GABRB2: variants seen among roughly 807,000 people sequenced by gnomAD.
GABRB2 encodes the protein gamma-aminobutyric acid type A receptor subunit beta2.
GABRB2 carries 16 observed loss-of-function variants against 54.7 expected under a neutral mutation model. The ratio of observed to expected loss-of-function variants is 0.29; its 90% confidence interval spans 0.20 to 0.44. GABRB2 has a LOEUF of 0.44. Among genes scored for constraint, GABRB2 ranks in the 20% least tolerant of loss-of-function variants. The pLI, the probability that GABRB2 is intolerant of heterozygous loss-of-function variation, is 1.00. For missense variants in GABRB2, 355 were observed against 644.0 expected, an observed-to-expected ratio of 0.55 and a Z score of 4.86; for synonymous variants, 244 against 233.8, an observed-to-expected ratio of 1.04 and a Z score of -0.40.
intron 5 of GABRB2, among the ~76,000 whole-genome samples, chr5:161,394,210 A>T (rs1199872335): frequency 2.0e-5 from 3 of 152,086 alleles, no homozygotes; most frequent in African/African-American, 7.2e-5. Flanking sequence ...TGAATAAAGC[A>T]GAGTATATAA....
At chr5:161,314,730 C>A (rs908130399) in intron 9 of GABRB2, among the ~76,000 whole-genome samples, 1 of 152,004 alleles carries the variant, frequency 6.6e-6, no homozygotes, top group Non-Finnish European at 1.5e-5. Context: ...TTTGTTCTTT[C>A]CCTCCCTCCT....
At chr5:161,357,024 C>T (rs959136073) in intron 5 of GABRB2, among the ~76,000 whole-genome samples, 1 of 152,188 alleles carries the variant, frequency 6.6e-6, no homozygotes, top group South Asian at 2.1e-4. Flanking sequence ...ATTGAAAATA[C>T]ATTTTAGCAG....
intron 5 of GABRB2, among the ~76,000 whole-genome samples, chr5:161,338,739 T>C (rs1471198088): frequency 6.6e-6 from 1 of 152,110 alleles, no homozygotes; most frequent in Non-Finnish European, 1.5e-5. Context: ...TGAGCTATGA[T>C]GGCACCACTG....
intron 4 of GABRB2, among the ~76,000 whole-genome samples, chr5:161,439,322 G>A (rs1463138318): frequency 6.6e-6 from 1 of 152,130 alleles, no homozygotes; most frequent in Non-Finnish European, 1.5e-5. Context: ...AAACATGAAG[G>A]AGAAATAAAG....
At chr5:161,385,501 G>A (rs1284557309) in intron 5 of GABRB2, among the ~76,000 whole-genome samples, 1 of 152,100 alleles carries the variant, frequency 6.6e-6, no homozygotes, top group Non-Finnish European at 1.5e-5. Context: ...CTTTGTGGGT[G>A]GAGACAAAAG....
intron 5 of GABRB2, among the ~76,000 whole-genome samples, chr5:161,407,496 C>T (rs757531557): frequency 3.9e-5 from 6 of 151,968 alleles, no homozygotes; most frequent in African/African-American, 7.3e-5. Flanking sequence ...CCTAAAGCAT[C>T]GGCACACCTG....
upstream of GABRB2, chr5:161,546,799 GT>G (rs1341078788): frequency 4.0e-5 from 44 of 1,092,110 alleles, no homozygotes; most frequent in Middle Eastern, 6.8e-4. Flanking sequence ...AGATTTCCTT[GT>G]TTAAAAAAAA....
At chr5:161,415,453 A>G (rs1007142870) in intron 4 of GABRB2, among the ~76,000 whole-genome samples, 3 of 152,246 alleles carry the variant, frequency 2.0e-5, no homozygotes, top group Non-Finnish European at 4.4e-5. Context: ...ACAAATACAT[A>G]GCACAGCCTA....
chr5:161,439,868 G>T (rs1317534117), intron 4 of GABRB2, among the ~76,000 whole-genome samples: 1 of 151,932 alleles, frequency 6.6e-6, no homozygotes, highest in Non-Finnish European at 1.5e-5. Context: ...GCTAATGGAT[G>T]CTGGGCTTAA....
intron 4 of GABRB2, chr5:161,459,383 G>A: frequency 1.9e-6 from 1 of 535,156 alleles, no homozygotes; most frequent in Non-Finnish European, 3.4e-6. Context: ...CTTAAAGAAA[G>A]CAGCTTTAGG....
At chr5:161,357,565 T>C (rs1379689835) in intron 5 of GABRB2, among the ~76,000 whole-genome samples, 7 of 150,612 alleles carry the variant, frequency 4.6e-5, no homozygotes, top group Non-Finnish European at 1.5e-5. Flanking sequence ...GTTAAGAGAA[T>C]TATTCTAAGC....
At chr5:161,344,816 C>A (rs1444794689) in intron 5 of GABRB2, among the ~76,000 whole-genome samples, 1 of 152,032 alleles carries the variant, frequency 6.6e-6, no homozygotes, top group African/African-American at 2.4e-5. Context: ...AATGGATAGA[C>A]TGGAAAAAGA....
chr5:161,516,288 C>T (rs2113417571), intron 3 of GABRB2, among the ~76,000 whole-genome samples: 1 of 152,206 alleles, frequency 6.6e-6, no homozygotes, highest in Admixed American at 6.5e-5. Context: ...AGAAACTATG[C>T]TAAGGGCTTT....
intron 2 of GABRB2, among the ~76,000 whole-genome samples, 165 bp from the exon 3 acceptor site, chr5:161,545,459 A>T (rs1361998201): frequency 6.8e-6 from 1 of 146,092 alleles, no homozygotes; most frequent in African/African-American, 2.5e-5. Context: ...AAAAAAAGGT[A>T]GCAGGCACAC....
At chr5:161,374,575 A>T (rs1755228923) in intron 5 of GABRB2, among the ~76,000 whole-genome samples, 1 of 152,198 alleles carries the variant, frequency 6.6e-6, no homozygotes, top group Admixed American at 6.5e-5. Flanking sequence ...AAGCCTTCAA[A>T]CTGGTTACTG....
intron 4 of GABRB2, among the ~76,000 whole-genome samples, chr5:161,415,892 C>A (rs926140552): frequency 6.6e-6 from 1 of 151,746 alleles, no homozygotes; most frequent in Non-Finnish European, 1.5e-5. Flanking sequence ...GGATTACAGG[C>A]GTGATCCACC....
chr5:161,405,254 A>T (rs958478060), intron 5 of GABRB2, among the ~76,000 whole-genome samples: 2 of 152,034 alleles, frequency 1.3e-5, no homozygotes, highest in Non-Finnish European at 2.9e-5. Context: ...CATGGTTTAT[A>T]TATCATTCAT....
At position 161,521,867 on chromosome 5, in the gene GABRB2, G is replaced by A. The variant is rs1760126028; in HGVS notation, c.237+23360C>T. ...GCAGGTAAACCAAACTTTGAAGGTA[G>A]AATGGGCCATGTGTTCTGAATCTTT... On this transcript the variant is annotated intron_variant, in intron 3 of 9. Transcript: ENST00000393959. Among the ~76,000 whole-genome samples the A allele has an allele frequency of 2.0e-5, 3 of 151,968 alleles. No individual in the cohort carries two copies. In the South Asian group the frequency reaches 6.2e-4, roughly 31 times the overall value.
chr5:161,423,609 G>A (rs1580973698), intron 4 of GABRB2, among the ~76,000 whole-genome samples: 1 of 152,030 alleles, frequency 6.6e-6, no homozygotes, highest in Non-Finnish European at 1.5e-5. Context: ...TAGAATGTTT[G>A]TTTTATGACC....
Sources: gnomAD v4.1 joint callset for allele counts (sites outside exome capture counted in the v4.1 genomes callset) on GRCh38, gnomAD v4.1.1 for gene constraint, MANE v1.5 for transcripts, NCBI Gene and HGNC (gene_info 2026-07-23, HGNC 2026-07-21) for gene names.